Variants in UNC80 observed in about 807,000 individuals in gnomAD.
UNC80 encodes the protein unc-80 subunit of NALCN channel complex.
UNC80 carries 164 observed loss-of-function variants against 384.6 expected under a neutral mutation model. The ratio of observed to expected loss-of-function variants is 0.43; its 90% CI spans 0.38 to 0.49. The LOEUF is 0.49. Among genes scored for constraint, UNC80 ranks in the 20% least tolerant of loss-of-function variants. The pLI is 0.00. For synonymous variants in UNC80, 1,486 were observed against 1,527.8 expected, an observed-to-expected ratio of 0.97 and a Z score of 0.64; for missense variants, 3,330 against 4,143.0, an observed-to-expected ratio of 0.80 and a Z score of 5.39.
chr2:209,943,296 T>G, intron 44 of UNC80, 84 bp from the exon 45 acceptor site: 1 of 1,473,866 alleles, frequency 6.8e-7, no homozygotes. Context: ...CCCTCCAAGC[T>G]TCCCATGACC....
chr2:209,993,197 A>G, intron 62 of UNC80, 118 bp from the exon 63 acceptor site: 1 of 711,984 alleles, frequency 1.4e-6, no homozygotes, highest in Non-Finnish European at 2.2e-6. Context: ...AAATAAATTT[A>G]TCAGCTATAA....
At chr2:209,882,344 T>A (rs185437075) in intron 25 of UNC80, among the ~76,000 whole-genome samples, 1 of 151,456 alleles carries the variant, frequency 6.6e-6, no homozygotes. Flanking sequence ...GGGAGAGGAG[T>A]GAAAGAATGG....
At chr2:209,789,481 A>C in intron 5 of UNC80, 51 bp from the exon 6 acceptor site, 1 of 1,251,278 alleles carries the variant, frequency 8.0e-7, no homozygotes, top group Non-Finnish European at 1.1e-6. Flanking sequence ...CTTATGAAAT[A>C]AAAAGAACTT....
chr2:209,868,239 G>A (rs994693883), intron 22 of UNC80, among the ~76,000 whole-genome samples: 5 of 152,126 alleles, frequency 3.3e-5, no homozygotes, highest in East Asian at 3.8e-4. Flanking sequence ...TATTTCCATT[G>A]GTTGTAGATA....
intron 56 of UNC80, among the ~76,000 whole-genome samples, chr2:209,975,206 T>C (rs2092982404): frequency 6.6e-6 from 1 of 152,188 alleles, no homozygotes; most frequent in African/African-American, 2.4e-5. Flanking sequence ...GTGTTTAGTA[T>C]ACACATTTTT....
intron 28 of UNC80, 115 bp from the exon 29 acceptor site, chr2:209,904,650 C>T (rs1391394646): frequency 1.1e-6 from 1 of 901,358 alleles, no homozygotes; most frequent in African/African-American, 1.6e-5. Context: ...ATTGCGATTT[C>T]AAGACACATC....
Position 209,834,177 on chromosome 2 carries a change from C to T in UNC80, c.2942+9C>T. The T allele has an allele frequency of 6.4e-7, 1 of 1,551,190 alleles. No individual in the cohort carries two copies. Among genetic ancestry groups the T allele is most frequent in the Non-Finnish European group, 8.7e-7 (1 of 1,146,722 alleles). ...CCTGCAGGCAGTAAAAGGTTGGAAG[C>T]TTGAACTCTCTGAATATTACTGTTT... On this transcript the variant is annotated intron_variant, in intron 17 of 64. Transcript: ENST00000673920.
chr2:209,958,197 A>G (rs1248993150), intron 49 of UNC80, among the ~76,000 whole-genome samples: 1 of 152,096 alleles, frequency 6.6e-6, no homozygotes, highest in African/African-American at 2.4e-5. Context: ...TTGTTAACTT[A>G]ATCTCCTTCT....
At chr2:209,955,692 A>AATATATATATATATAT (rs57804600) in intron 48 of UNC80, among the ~76,000 whole-genome samples, 1 of 51,606 alleles carries the variant, frequency 1.9e-5, no homozygotes, top group Non-Finnish European at 3.9e-5. Flanking sequence ...CTGTATTTCT[A>AATATATATATATATAT]ATATATATAT....
rs1250936749 is a variant in UNC80, at chr2:209,976,042, A to C, written c.8588-77A>C. 7 of 1,437,844 alleles carry C rather than the reference A, an allele frequency of 4.9e-6. No individual in the cohort carries two copies. In the South Asian group the frequency reaches 7.2e-5, roughly 15 times the overall value. 89.1% of individuals were successfully genotyped at this position (1,437,844 alleles called of 1,614,324 possible). On this transcript the variant is annotated intron_variant, in intron 56 of 64. Coordinates refer to ENST00000673920, the MANE Select transcript of UNC80 (RefSeq NM_001371986.1). The surrounding 1 kb of genome is among the most constrained non-coding windows in gnomAD (Gnocchi z 4.3). ...ATTTAGAAAATTTCTAAAGGTGCAT[A>C]AAGGGCTCTGGATGTAGGTTGGGTT...
chr2:209,856,069 T>C (rs1254619919), intron 22 of UNC80, among the ~76,000 whole-genome samples: 4 of 152,140 alleles, frequency 2.6e-5, no homozygotes, highest in African/African-American at 9.6e-5. Context: ...GTTTCAAAAA[T>C]TCCAAATAAG....
intron 23 of UNC80, among the ~76,000 whole-genome samples, chr2:209,875,291 A>G (rs1214200597): frequency 6.6e-6 from 1 of 152,164 alleles, no homozygotes; most frequent in Non-Finnish European, 1.5e-5. Flanking sequence ...TTCCCTCAGG[A>G]TAAAACCCAA....
At chr2:209,914,681 G>GTGTA (rs770809140) in intron 31 of UNC80, among the ~76,000 whole-genome samples, 1,510 of 149,604 alleles carry the variant, frequency 0.01, 26 homozygotes, top group Admixed American at 0.044. Flanking sequence ...GTGTGTGTGT[G>GTGTA]TATATAAATA....
intron 9 of UNC80, 62 bp from the exon 10 acceptor site, chr2:209,816,847 G>C (rs1179761683): frequency 6.8e-7 from 1 of 1,478,632 alleles, no homozygotes; most frequent in Non-Finnish European, 9.2e-7. Flanking sequence ...GGAGCCCCTT[G>C]GGAAGCAGAT....
chr2:209,832,272 A>G (rs1252963910), intron 16 of UNC80, among the ~76,000 whole-genome samples: 1 of 152,112 alleles, frequency 6.6e-6, no homozygotes, highest in Non-Finnish European at 1.5e-5. Context: ...TACTCATGTA[A>G]CCAAATATCA....
intron 61 of UNC80, among the ~76,000 whole-genome samples, chr2:209,985,732 A>G (rs949788145): frequency 6.6e-6 from 1 of 152,202 alleles, no homozygotes; most frequent in African/African-American, 2.4e-5. Context: ...GTTCATCCTT[A>G]GAGTATCTTT....
At chr2:209,815,413 C>G in intron 9 of UNC80, 22 bp downstream of exon 9, 1 of 1,542,288 alleles carries the variant, frequency 6.5e-7, no homozygotes, top group Non-Finnish European at 8.8e-7. Context: ...TGCTTATGCT[C>G]TTTGATATTT....
Position 209,834,101 on chromosome 2 carries a change from G to A in UNC80, c.2875G>A (p.Glu959Lys), listed in dbSNP as rs373287604. The A allele has an allele frequency of 4.5e-6, 7 of 1,551,658 alleles. No homozygotes were observed. Among genetic ancestry groups the A allele is most frequent in the Non-Finnish European group, 5.2e-6 (6 of 1,146,966 alleles). Residue 959 changes from glutamate to lysine, a missense_variant, in exon 17 of 65, where the codon GAG (glutamate) becomes AAG (lysine). Glu to Lys is a moderately conservative substitution (Grantham distance 56, BLOSUM62 1). Coordinates refer to ENST00000673920, the MANE Select transcript of UNC80 (RefSeq NM_001371986.1). ...VALSALLDSA[E>K]KLAPGKKVEE... ...CCTCAGCGCTCTGCTTGACAGTGCC[G>A]AGAAGTTAGCACCAGGGAAAAAGGT...
intron 7 of UNC80, among the ~76,000 whole-genome samples, chr2:209,794,317 C>T (rs963846259): frequency 9.2e-5 from 14 of 152,136 alleles, no homozygotes; most frequent in African/African-American, 1.7e-4. Context: ...AGTGAATTTG[C>T]TTATAAACAC....
Sources: allele counts gnomAD v4.1 joint callset (sites outside exome capture counted in the v4.1 genomes callset), GRCh38; gene constraint gnomAD v4.1.1; non-coding constraint Gnocchi (gnomAD v3.1); transcripts MANE v1.5; gene names NCBI Gene and HGNC (gene_info 2026-07-23, HGNC 2026-07-21).